ADGRV1: variants seen among roughly 807,000 people sequenced by gnomAD.
The protein encoded by ADGRV1 is adhesion G protein-coupled receptor V1, also known as G-protein coupled receptor 98.
Under a neutral mutation model 596.2 loss-of-function variants are expected in ADGRV1, and 359 were observed. That is an observed-to-expected ratio of 0.60 (90% CI 0.55 to 0.66). ADGRV1 has a LOEUF of 0.66. Among genes scored for constraint, ADGRV1 ranks in the 30% least tolerant of loss-of-function variants. The pLI is 0.00. For missense variants in ADGRV1, 7,274 were observed against 7,575.6 expected, an observed-to-expected ratio of 0.96 and a Z score of 1.48; for synonymous variants, 2,681 against 2,679.2, an observed-to-expected ratio of 1.00 and a Z score of -0.02.
chr5:91,037,282 A>G (rs1784989711), intron 85 of ADGRV1, among the ~76,000 whole-genome samples: 1 of 152,204 alleles, frequency 6.6e-6, no homozygotes, highest in African/African-American at 2.4e-5. Context: ...ACTAGACAGT[A>G]AGCAAATCTG....
chr5:90,760,906 C>A (rs916535938), intron 58 of ADGRV1, among the ~76,000 whole-genome samples: 1 of 152,174 alleles, frequency 6.6e-6, no homozygotes, highest in East Asian at 1.9e-4. Context: ...ATTGTTATTA[C>A]ATGATAACTA....
intron 64 of ADGRV1, 31 bp downstream of exon 64, chr5:90,779,128 A>G (rs781173355): frequency 7.5e-7 from 1 of 1,328,318 alleles, no homozygotes; most frequent in Non-Finnish European, 1.1e-6. Context: ...GGAAAAAGAA[A>G]GCAAAGAGCA....
intron 38 of ADGRV1, among the ~76,000 whole-genome samples, chr5:90,707,618 G>T (rs1298444278): frequency 6.6e-6 from 1 of 152,084 alleles, no homozygotes; most frequent in Non-Finnish European, 1.5e-5. Context: ...ATTTGATAAA[G>T]CTTTCAAGTA....
Position 90,729,076 on chromosome 5 carries a change from A to G in ADGRV1, c.10426+143A>G, listed in dbSNP as rs1285107414. 4.9e-6 allele frequency: 3 copies of G among 610,668 alleles called. No homozygotes were observed. The African/African-American group carries it at 5.6e-5, about 11-fold the overall frequency. 37.8% of individuals were successfully genotyped at this position (610,668 alleles called of 1,614,324 possible). A position where few individuals can be genotyped will look rare whatever the true frequency, so the allele number is the denominator to read the frequency against. On this transcript the variant is annotated intron_variant, in intron 49 of 89. Transcript: ENST00000405460. ...TCTTGATAGATAAGTATTAATTGTC[A>G]GCTGTAAATGGATTTTTGAGAAATA...
intron 85 of ADGRV1, among the ~76,000 whole-genome samples, chr5:90,988,805 A>C (rs1386895204): frequency 3.4e-5 from 3 of 88,140 alleles, no homozygotes; most frequent in Non-Finnish European, 6.3e-5. Context: ...CCCACCCCAC[A>C]ACAGGCCCCG....
At chr5:90,795,682 A>AC (rs1239082047) in intron 70 of ADGRV1, among the ~76,000 whole-genome samples, 1 of 151,782 alleles carries the variant, frequency 6.6e-6, no homozygotes, top group Non-Finnish European at 1.5e-5. Flanking sequence ...TGGATCCCTG[A>AC]CCCCCGTGTA....
intron 34 of ADGRV1, among the ~76,000 whole-genome samples, chr5:90,697,841 A>C (rs1358865130): frequency 2.0e-5 from 3 of 152,156 alleles, no homozygotes; most frequent in Admixed American, 1.3e-4. Context: ...GTTTCATTAC[A>C]TAGTTTATCT....
chr5:90,763,826 T>C (rs1225977067), intron 59 of ADGRV1, among the ~76,000 whole-genome samples: 3 of 152,232 alleles, frequency 2.0e-5, no homozygotes, highest in African/African-American at 7.2e-5. Context: ...TGGCTCCTAA[T>C]TGCATCTATG....
At chr5:90,918,963 A>G (rs570388116) in intron 83 of ADGRV1, among the ~76,000 whole-genome samples, 3 of 152,132 alleles carry the variant, frequency 2.0e-5, no homozygotes, top group Admixed American at 2.0e-4. Flanking sequence ...ACCCTGCCCT[A>G]CCCTGCCTGA....
intron 84 of ADGRV1, 96 bp downstream of exon 84, chr5:90,965,627 A>G: frequency 1.6e-6 from 1 of 627,854 alleles, no homozygotes; most frequent in Admixed American, 2.8e-5. Flanking sequence ...AAGTAGAAGT[A>G]ATTCCGTATA....
chr5:90,839,248 T>A (rs886591669), intron 77 of ADGRV1, among the ~76,000 whole-genome samples: 1 of 152,188 alleles, frequency 6.6e-6, no homozygotes, highest in Non-Finnish European at 1.5e-5. Flanking sequence ...GGAGTCTCAC[T>A]CTATTGCCCA....
At chr5:90,748,466 ATCTTG>A (rs10617070) in intron 52 of ADGRV1, among the ~76,000 whole-genome samples, 57,887 of 151,812 alleles carry the variant, frequency 0.38, 12,085 homozygotes, top group Admixed American at 0.54. Flanking sequence ...CATTTTTCAT[ATCTTG>A]TCTTCAAATT....
chr5:90,560,821 TG>T (rs1754727941), intron 1 of ADGRV1, among the ~76,000 whole-genome samples: 1 of 152,144 alleles, frequency 6.6e-6, no homozygotes, highest in Non-Finnish European at 1.5e-5. Flanking sequence ...GTAACACAAA[TG>T]GTTTTATGGT....
At chr5:90,778,364 G>A in intron 62 of ADGRV1, 63 bp from the exon 63 acceptor site, 1 of 1,361,688 alleles carries the variant, frequency 7.3e-7, no homozygotes. Context: ...ATTATTTAGA[G>A]GTTAGGAGTT....
rs1303732020 is a variant in ADGRV1, at chr5:90,965,455, C to G, written c.17897C>G (p.Ala5966Gly). 2.5e-6 allele frequency: 4 copies of G among 1,613,766 alleles called. No homozygotes were observed. The highest frequency in any genetic ancestry group is 3.4e-6 in the Non-Finnish European group (4 of 1,179,688). Residue 5966 changes from alanine to glycine, a missense_variant, in exon 84 of 90, where the codon GCT (alanine) becomes GGT (glycine). Transcript: ENST00000405460. The stretch of plus-strand genomic sequence containing the variant: ...TCTGCATACGCAAGTCCCCAACTCG[C>G]TGAGGAGAGCTGTTCAGCTATGGCT... The part of the protein sequence containing the change: ...LASAYASPQL[A>G]EESCSAMAAV...
At chr5:90,763,144 G>A (rs2150013759) in intron 58 of ADGRV1, 161 bp from the exon 59 acceptor site, 1 of 547,182 alleles carries the variant, frequency 1.8e-6, no homozygotes. Context: ...GGAATAGAAA[G>A]TGGGATTTGG....
intron 85 of ADGRV1, among the ~76,000 whole-genome samples, chr5:91,047,944 C>T (rs1268490887): frequency 5.9e-5 from 9 of 152,118 alleles, no homozygotes; most frequent in Admixed American, 5.9e-4. Context: ...AAATCTAGTC[C>T]CATGGGATTG....
At chr5:90,879,095 G>A (rs1174782714) in intron 83 of ADGRV1, among the ~76,000 whole-genome samples, 1 of 152,158 alleles carries the variant, frequency 6.6e-6, no homozygotes, top group Non-Finnish European at 1.5e-5. Flanking sequence ...AGTTCTTCCA[G>A]TCTGCATGCA....
chr5:90,980,652 CAG>C (rs1207400707), intron 84 of ADGRV1, among the ~76,000 whole-genome samples: 12 of 152,238 alleles, frequency 7.9e-5, no homozygotes, highest in African/African-American at 2.9e-4. Flanking sequence ...GTAAGATAAA[CAG>C]TGAACAGTAA....
Sources: gnomAD v4.1 joint callset for allele counts (sites outside exome capture counted in the v4.1 genomes callset) on GRCh38, gnomAD v4.1.1 for gene constraint, MANE v1.5 for transcripts, NCBI Gene and HGNC (gene_info 2026-07-23, HGNC 2026-07-21) for gene names.